The following NLRP8 variants were observed in gnomAD, a reference collection of about 807,000 sequenced individuals.
NLRP8 encodes the protein NACHT, LRR and PYD domains-containing protein 8.
In NLRP8, 86 loss-of-function variants were observed where a neutral mutation model predicts 88.7. The ratio of observed to expected loss-of-function variants is 0.97; its 90% confidence interval spans 0.81 to 1.16. The LOEUF is 1.16. Ranked by LOEUF, NLRP8 falls within the 50% of genes most tolerant of loss-of-function variation. The pLI, the probability that NLRP8 is intolerant of heterozygous loss-of-function variation, is 0.00. For synonymous variants in NLRP8, 504 were observed against 494.6 expected, an observed-to-expected ratio of 1.02 and a Z score of -0.25; for missense variants, 1,342 against 1,286.5, an observed-to-expected ratio of 1.04 and a Z score of -0.66.
chr19:55,957,681 AT>A (rs1979432221), intron 3 of NLRP8, among the ~76,000 whole-genome samples: 4 of 2,750 alleles, frequency 1.5e-3, no homozygotes, highest in Non-Finnish European at 4.7e-3. Flanking sequence ...AATTATATAT[AT>A]ATATATATAT....
At chr19:55,952,059 G>T (rs1400822889) in intron 1 of NLRP8, among the ~76,000 whole-genome samples, 2 of 151,838 alleles carry the variant, frequency 1.3e-5, no homozygotes, top group Non-Finnish European at 2.9e-5. Flanking sequence ...GCCTCGTATT[G>T]GTTTTTTAAT....
intron 7 of NLRP8, among the ~76,000 whole-genome samples, chr19:55,974,347 T>C (rs914109922): frequency 3.8e-4 from 58 of 152,272 alleles, no homozygotes; most frequent in African/African-American, 1.3e-3. Flanking sequence ...GTTGTGCTTA[T>C]CTGGGAGGGA....
rs746555006 is a variant in NLRP8 at position 55,966,243 on chromosome 19, C to A, written c.2244C>A (p.Asn748Lys). 1 of 1,614,064 alleles carries A rather than the reference C, an allele frequency of 6.2e-7. No individual in the cohort carries two copies. ...GGCGTGTGAATAGCACCATGTTGAACCAGGACTTAATCGGTGTTTTGACGG... is the reference window on the plus strand; with the variant it reads ...GGCGTGTGAATAGCACCATGTTGAAACAGGACTTAATCGGTGTTTTGACGG... The change falls in exon 5 of 10, where the codon AAC (asparagine) becomes AAA (lysine). Residue 748 changes from asparagine to lysine, a missense_variant. Physicochemically the swap from Asn to Lys is moderately conservative, Grantham distance 94. Coordinates refer to ENST00000291971, the MANE Select transcript of NLRP8 (RefSeq NM_176811.2).
intron 2 of NLRP8, among the ~76,000 whole-genome samples, chr19:55,952,876 G>A (rs1457011009): frequency 2.6e-5 from 4 of 152,028 alleles, no homozygotes; most frequent in Admixed American, 2.6e-4. Context: ...GCAGTGAGGT[G>A]AGATCACGCC....
chr19:55,951,085 AT>A (rs1251605609), intron 1 of NLRP8, among the ~76,000 whole-genome samples: 1 of 152,128 alleles, frequency 6.6e-6, no homozygotes, highest in African/African-American at 2.4e-5. Context: ...CTCAAAAAAA[AT>A]AAGAATAAAA....
intron 3 of NLRP8, 31 bp from the exon 4 acceptor site, chr19:55,962,036 A>T: frequency 6.2e-7 from 1 of 1,602,476 alleles, no homozygotes; most frequent in Non-Finnish European, 8.5e-7. Flanking sequence ...TTTAACGAAG[A>T]GGTGTTTTCT....
In NLRP8 at chr19:55,955,340, G is replaced by T. The variant is rs759351908; in HGVS notation, c.1282G>T (p.Val428Phe). 1 of 1,614,126 alleles carries T rather than the reference G, an allele frequency of 6.2e-7. No homozygotes were observed. Among genetic ancestry groups the T allele is most frequent in the Non-Finnish European group, 8.5e-7 (1 of 1,180,038 alleles). Residue 428 changes from valine (V) to phenylalanine (F), a missense_variant, in exon 3 of 10, where the codon GTC (valine) becomes TTC (phenylalanine). Val to Phe is a conservative substitution (Grantham distance 50). Transcript: ENST00000291971. ...ATGTCCAAATGCCACCTCTGTGTTCGTCCGGTATATTTCTAGCTTGTTTCC... is the reference window on the plus strand; with the variant it reads ...ATGTCCAAATGCCACCTCTGTGTTCTTCCGGTATATTTCTAGCTTGTTTCC...
intron 2 of NLRP8, among the ~76,000 whole-genome samples, chr19:55,953,120 C>T (rs1444013619): frequency 6.6e-6 from 1 of 151,998 alleles, no homozygotes; most frequent in Non-Finnish European, 1.5e-5. Context: ...TGGGCTCTGC[C>T]TCCTGTCAGA....
chr19:55,960,072 G>T (rs927348647), intron 3 of NLRP8, among the ~76,000 whole-genome samples: 1 of 152,028 alleles, frequency 6.6e-6, no homozygotes, highest in Non-Finnish European at 1.5e-5. Flanking sequence ...AATGGGTCCT[G>T]TTGAGAATTC....
In NLRP8 at chr19:55,987,877, G is replaced by C. The variant is rs745986469; in HGVS notation, c.3111G>C (p.Thr1037=). 1 of 1,613,982 alleles carries C rather than the reference G, an allele frequency of 6.2e-7. No individual in the cohort carries two copies. Among genetic ancestry groups the C allele is most frequent in the South Asian group, 1.1e-5 (1 of 91,074 alleles). ...CAACTCCTCACCCACCCGACTTCAC[G>C]GGAAAAAGTGACTGCCTATCCCAGA... Residue 1037 remains threonine (T), a synonymous_variant, in exon 10 of 10, where the codon ACG becomes ACC. Coordinates refer to ENST00000291971, the MANE Select transcript of NLRP8 (RefSeq NM_176811.2).
rs560228163 is a variant in NLRP8, at chr19:55,955,562, C to G, written c.1504C>G (p.His502Asp). 3.7e-6 allele frequency: 6 copies of G among 1,614,166 alleles called. No individual in the cohort carries two copies. In the East Asian group the frequency reaches 1.1e-4, roughly 30 times the overall value. The change falls in exon 3 of 10, where the codon CAC (histidine) becomes GAC (aspartate). Residue 502 changes from histidine (H) to aspartate (D), a missense_variant. Transcript: ENST00000291971. ...TCGGAGAATTGCAGGTGAGGAAGAC[C>G]ACTATGTCTTTACCCTCGTGACTTT...
At chr19:55,970,189 C>T (rs10419888) in intron 5 of NLRP8, among the ~76,000 whole-genome samples, 60,267 of 152,024 alleles carry the variant, frequency 0.4, 14,165 homozygotes, top group East Asian at 0.72. Flanking sequence ...TGATTGATGC[C>T]TTCTATAATA....
At chr19:55,975,542 G>T (rs907065819) in intron 7 of NLRP8, among the ~76,000 whole-genome samples, 8 of 152,192 alleles carry the variant, frequency 5.3e-5, no homozygotes, top group Non-Finnish European at 8.8e-5. Context: ...CTGTGTCTGT[G>T]CCCTGATGAC....
intron 9 of NLRP8, among the ~76,000 whole-genome samples, chr19:55,987,193 A>C (rs1011387140): frequency 5.9e-5 from 9 of 151,948 alleles, no homozygotes; most frequent in African/African-American, 1.5e-4. Context: ...ACATGGTGAA[A>C]TCCTCATCTC....
intron 1 of NLRP8, among the ~76,000 whole-genome samples, chr19:55,949,422 G>A (rs1162709037): frequency 6.6e-6 from 1 of 152,002 alleles, no homozygotes; most frequent in Non-Finnish European, 1.5e-5. Flanking sequence ...ATTTTTAGTA[G>A]AAACGGGGTT....
intron 5 of NLRP8, among the ~76,000 whole-genome samples, chr19:55,967,580 C>A (rs1449845191): frequency 6.6e-6 from 1 of 152,086 alleles, no homozygotes; most frequent in Non-Finnish European, 1.5e-5. Context: ...ACCACATTTT[C>A]TTTATCCATT....
chr19:55,955,651 T>C lies in NLRP8; in HGVS notation c.1593T>C (p.His531=), dbSNP rs1052306489. 3 of 1,614,232 alleles carry C rather than the reference T, an allele frequency of 1.9e-6. No individual in the cohort carries two copies. Among genetic ancestry groups the C allele is most frequent in the Non-Finnish European group, 1.7e-6 (2 of 1,180,030 alleles). ...TCCCACAAAGACTCAAAAATTTTCA[T>C]GTGTTGAGCCACGTGAATATCCAGC... Residue 531 remains histidine, a synonymous_variant, in exon 3 of 10, where the codon CAT becomes CAC. Transcript: ENST00000291971.
intron 6 of NLRP8, among the ~76,000 whole-genome samples, chr19:55,971,439 C>CAAAAAAAA (rs34787079): frequency 1.1e-5 from 1 of 87,034 alleles, no homozygotes; most frequent in African/African-American, 4.3e-5. Context: ...AGACTCGTCT[C>CAAAAAAAA]AAAAAAAAAA....
At chr19:55,950,744 G>A (rs1979057074) in intron 1 of NLRP8, among the ~76,000 whole-genome samples, 1 of 152,196 alleles carries the variant, frequency 6.6e-6, no homozygotes, top group Non-Finnish European at 1.5e-5. Context: ...TAGCACCCAG[G>A]CTGGGCACGA....
Sources: allele counts gnomAD v4.1 joint callset (sites outside exome capture counted in the v4.1 genomes callset), GRCh38; gene constraint gnomAD v4.1.1; transcripts MANE v1.5; gene names NCBI Gene and HGNC (gene_info 2026-07-23, HGNC 2026-07-21).